SPECC1: variants seen among roughly 807,000 people sequenced by gnomAD.
The protein encoded by SPECC1 is cytospin-B.
SPECC1 carries 62 observed loss-of-function variants against 104.1 expected under a neutral mutation model. The observed-to-expected ratio is 0.60, with a 90% CI of 0.49 to 0.74. SPECC1 has a LOEUF of 0.74. Among genes scored for constraint, SPECC1 ranks in the 30% least tolerant of loss-of-function variants. The pLI is 0.00. For synonymous variants in SPECC1, 513 were observed against 501.6 expected (o/e 1.02, Z -0.30); for missense variants, 1,306 against 1,310.5 (o/e 1.00, Z 0.05).
intron 7 of SPECC1, chr17:20,237,165 T>C: frequency 7.4e-7 from 1 of 1,342,958 alleles, no homozygotes; most frequent in Middle Eastern, 2.9e-4. Context: ...AAAATGAAGT[T>C]CTGAAAAAAA....
intron 3 of SPECC1, chr17:20,112,384 A>G: frequency 1.3e-6 from 1 of 758,786 alleles, no homozygotes; most frequent in South Asian, 1.4e-5. Context: ...AAATGGCAAT[A>G]AAGAATTCTA....
chr17:20,160,885 A>G (rs1024913776), intron 3 of SPECC1, among the ~76,000 whole-genome samples: 10 of 152,350 alleles, frequency 6.6e-5, no homozygotes, highest in Middle Eastern at 3.4e-3. Context: ...CCGTTTCTGC[A>G]AGTCATACTT....
chr17:20,318,611 A>AC lies in SPECC1; in HGVS notation c.*4551dup. 1 of 228,738 alleles carries AC rather than the reference A, an allele frequency of 4.4e-6. No homozygotes were observed. The highest frequency in any genetic ancestry group is 8.7e-6 in the Non-Finnish European group (1 of 115,326). The allele number at this position is 228,738 out of a possible 1,614,324, so 14.2% of individuals were successfully genotyped here. A position where few individuals can be genotyped will look rare whatever the true frequency, so the allele number is the denominator to read the frequency against. ...GGAGGACTCGGGCCCATAGATGCAG[A>AC]CCCCCTACCAAATCTAGCAATAGTT... On this transcript the variant is annotated 3_prime_UTR_variant, in exon 15 of 15. Transcript: ENST00000395527.
intron 1 of SPECC1, among the ~76,000 whole-genome samples, chr17:20,022,026 C>T (rs1056484431): frequency 6.6e-6 from 1 of 151,904 alleles, no homozygotes; most frequent in East Asian, 1.9e-4. Flanking sequence ...ACTGCAATCT[C>T]CGCCTCCTGG....
chr17:20,084,836 G>A (rs1013989580), intron 1 of SPECC1, among the ~76,000 whole-genome samples: 2 of 152,112 alleles, frequency 1.3e-5, no homozygotes, highest in Admixed American at 1.3e-4. Flanking sequence ...ACAGAGGAAT[G>A]AGACAGAGCC....
intron 4 of SPECC1, among the ~76,000 whole-genome samples, chr17:20,217,698 A>G (rs1344111113): frequency 5.3e-5 from 8 of 152,220 alleles, no homozygotes; most frequent in African/African-American, 1.7e-4. Context: ...GCTGCTTTTC[A>G]AATGATTTCA....
At chr17:20,253,643 C>T (rs936659668) in intron 10 of SPECC1, 57 bp downstream of exon 10, 16 of 1,501,492 alleles carry the variant, frequency 1.1e-5, no homozygotes, top group Non-Finnish European at 1.2e-5. Flanking sequence ...GTTAACTTTT[C>T]TTCATTTCTC....
chr17:20,141,544 A>T (rs1342968542), intron 3 of SPECC1, among the ~76,000 whole-genome samples: 1 of 152,212 alleles, frequency 6.6e-6, no homozygotes, highest in African/African-American at 2.4e-5. Context: ...TTTTTCAAGA[A>T]GCAGCTTTAT....
rs748689632 is a variant in SPECC1 at position 20,240,060 on chromosome 17, ATTTTTTTTTTT to A, written c.2352-5844_2352-5834del. ...AGGGGCACACCACCATGTCCAGCTAATTTTTTTTTTTTTTTTTTTTTTTTTTTTTTTTGGTA... is the reference window on the plus strand; with the variant it reads ...AGGGGCACACCACCATGTCCAGCTAATTTTTTTTTTTTTTTTTTTTTGGTA... On this transcript the variant is annotated intron_variant, in intron 7 of 14. Transcript: ENST00000395527. 4.0e-3 allele frequency among the ~76,000 whole-genome samples: 128 copies of A among 32,204 alleles called. 1 individual carries two copies. Among genetic ancestry groups the A allele is most frequent in the African/African-American group, 0.013 (87 of 6,700 alleles). The allele number at this position is 32,204 out of a possible 152,430, so 21.1% of individuals were successfully genotyped here. A position where few individuals can be genotyped will look rare whatever the true frequency, so the allele number is the denominator to read the frequency against.
rs533879581 is a variant in SPECC1, at chr17:20,125,048, T to C, written c.283+14486T>C. Among the ~76,000 whole-genome samples, 8 of 152,142 alleles carry C rather than the reference T, an allele frequency of 5.3e-5. No individual in the cohort carries two copies. In the East Asian group the frequency reaches 9.7e-4, roughly 18 times the overall value. On this transcript the variant is annotated intron_variant, in intron 3 of 14. Coordinates refer to ENST00000395527, the MANE Select transcript of SPECC1 (RefSeq NM_001243439.2). Reference sequence around the variant, plus strand: ...ACAAAAAATCAGCCAGGCATGGTGGTGGGCGCCTGTAGTTCCAGCTACTCG... The same window carrying C: ...ACAAAAAATCAGCCAGGCATGGTGGCGGGCGCCTGTAGTTCCAGCTACTCG...
intron 13 of SPECC1, among the ~76,000 whole-genome samples, chr17:20,305,162 C>T (rs79044184): frequency 0.026 from 3,925 of 151,990 alleles, 115 homozygotes; most frequent in East Asian, 0.092. Context: ...TCTGTGATGC[C>T]GCTTGTGGTT....
At chr17:20,028,103 A>T (rs961708477) in intron 1 of SPECC1, among the ~76,000 whole-genome samples, 2 of 152,164 alleles carry the variant, frequency 1.3e-5, no homozygotes, top group South Asian at 4.1e-4. Context: ...ATATGGTGTG[A>T]TGGAGGGTCC....
intron 1 of SPECC1, among the ~76,000 whole-genome samples, chr17:20,024,592 A>G (rs2044526699): frequency 6.6e-6 from 1 of 152,166 alleles, no homozygotes; most frequent in African/African-American, 2.4e-5. Flanking sequence ...TTCATTTTGC[A>G]GTGTTCCTTG....
At chr17:20,044,320 G>A (rs1389425907) in intron 1 of SPECC1, among the ~76,000 whole-genome samples, 5 of 152,146 alleles carry the variant, frequency 3.3e-5, no homozygotes, top group Non-Finnish European at 7.4e-5. Context: ...ATGGGTATGG[G>A]ATTCAGTTTG....
At position 20,314,794 on chromosome 17, in the gene SPECC1, T is replaced by A. The variant is rs528160039; in HGVS notation, c.*729T>A. On this transcript the variant is annotated 3_prime_UTR_variant, in exon 15 of 15. Coordinates refer to ENST00000395527, the MANE Select transcript of SPECC1 (RefSeq NM_001243439.2). Reference sequence around the variant, plus strand: ...TCAGCCTTTTGGGGAAAAATGGGAGTTCTAGGTAACAATGTTAACACCTGG... The same window carrying A: ...TCAGCCTTTTGGGGAAAAATGGGAGATCTAGGTAACAATGTTAACACCTGG... 7.8e-5 allele frequency: 17 copies of A among 219,136 alleles called. No individual in the cohort carries two copies. Among genetic ancestry groups the A allele is most frequent in the African/African-American group, 2.6e-4 (11 of 42,936 alleles). The allele number at this position is 219,136 out of a possible 1,614,324, so 13.6% of individuals were successfully genotyped here. A position where few individuals can be genotyped will look rare whatever the true frequency, so the allele number is the denominator to read the frequency against.
At chr17:20,225,698 T>G (rs1431352408) in intron 4 of SPECC1, among the ~76,000 whole-genome samples, 1 of 152,214 alleles carries the variant, frequency 6.6e-6, no homozygotes, top group Non-Finnish European at 1.5e-5. Context: ...GCATCTTTCC[T>G]TGATATGATG....
At chr17:20,285,901 C>G (rs896164826) in intron 12 of SPECC1, among the ~76,000 whole-genome samples, 38 of 151,756 alleles carry the variant, frequency 2.5e-4, no homozygotes, top group African/African-American at 9.2e-4. Flanking sequence ...CAGCCCCAGT[C>G]TCCCCAGGCT....
intron 3 of SPECC1, among the ~76,000 whole-genome samples, chr17:20,171,866 T>C (rs1487709447): frequency 2.0e-5 from 3 of 152,232 alleles, no homozygotes; most frequent in Admixed American, 6.5e-5. Context: ...GTCATGTGCT[T>C]GCCAGCATTC....
At chr17:20,173,640 T>TGAC (rs1222597229) in intron 3 of SPECC1, among the ~76,000 whole-genome samples, 1 of 152,126 alleles carries the variant, frequency 6.6e-6, no homozygotes, top group African/African-American at 2.4e-5. Flanking sequence ...AAACTGTAAT[T>TGAC]GTCAGGATTA....
Sources: gnomAD v4.1 joint callset for allele counts (sites outside exome capture counted in the v4.1 genomes callset) on GRCh38, gnomAD v4.1.1 for gene constraint, MANE v1.5 for transcripts, NCBI Gene and HGNC (gene_info 2026-07-23, HGNC 2026-07-21) for gene names.